The following PALM2AKAP2 variants were observed in gnomAD, a reference collection of about 807,000 sequenced individuals.
PALM2AKAP2 encodes PALM2 and AKAP2 fusion, also known as PALM2-AKAP2 fusion protein.
In PALM2AKAP2, 37 loss-of-function variants were observed where a neutral mutation model predicts 71.5. The ratio of observed to expected loss-of-function variants is 0.52; its 90% confidence interval spans 0.40 to 0.68. The LOEUF (loss-of-function observed/expected upper bound fraction) is 0.68. Ranked by LOEUF, PALM2AKAP2 falls within the 30% of genes least tolerant of loss-of-function variation. The pLI, the probability that PALM2AKAP2 is intolerant of heterozygous loss-of-function variation, is 0.00. For synonymous variants in PALM2AKAP2, 468 were observed against 478.8 expected (o/e 0.98, Z 0.29); for missense variants, 1,224 against 1,191.8 (o/e 1.03, Z -0.40).
intron 1 of PALM2AKAP2, among the ~76,000 whole-genome samples, chr9:109,753,012 G>A (rs921186780): frequency 1.3e-5 from 2 of 152,128 alleles, no homozygotes; most frequent in African/African-American, 4.8e-5. Context: ...GGCTTTAGAT[G>A]AAGTTCACTC....
At chr9:110,027,998 G>A (rs1474787649) in intron 7 of PALM2AKAP2, among the ~76,000 whole-genome samples, 1 of 152,152 alleles carries the variant, frequency 6.6e-6, no homozygotes, top group Non-Finnish European at 1.5e-5. Context: ...TTGGTTCCTT[G>A]CCAAAGGAAA....
intron 1 of PALM2AKAP2, among the ~76,000 whole-genome samples, chr9:109,707,532 A>G (rs1317347556): frequency 6.6e-6 from 1 of 152,132 alleles, no homozygotes; most frequent in Non-Finnish European, 1.5e-5. Flanking sequence ...CAGGTAGTGC[A>G]AGGCATGGCC....
intron 1 of PALM2AKAP2, among the ~76,000 whole-genome samples, chr9:109,695,673 G>T (rs1004697396): frequency 6.6e-6 from 1 of 152,066 alleles, no homozygotes; most frequent in Non-Finnish European, 1.5e-5. Flanking sequence ...TTATATGGAC[G>T]CAATGGAATG....
intron 7 of PALM2AKAP2, among the ~76,000 whole-genome samples, chr9:110,023,272 T>C (rs1406135063): frequency 8.6e-5 from 13 of 150,434 alleles, no homozygotes; most frequent in South Asian, 6.4e-4. Context: ...ATCCCCATTC[T>C]AACTGGTGTG....
At chr9:110,055,580 G>A (rs1449690593) in intron 1 of PALM2AKAP2, among the ~76,000 whole-genome samples, 3 of 152,158 alleles carry the variant, frequency 2.0e-5, no homozygotes, top group Non-Finnish European at 4.4e-5. Flanking sequence ...CCTCCCAGAG[G>A]ACCCACCTCC....
At chr9:109,702,011 C>G (rs907948642) in intron 1 of PALM2AKAP2, among the ~76,000 whole-genome samples, 2 of 152,208 alleles carry the variant, frequency 1.3e-5, no homozygotes, top group Non-Finnish European at 2.9e-5. Flanking sequence ...CACTGGCCAT[C>G]AGAGAAATGC....
chr9:109,788,617 A>G (rs1284592517), intron 1 of PALM2AKAP2, among the ~76,000 whole-genome samples: 1 of 152,154 alleles, frequency 6.6e-6, no homozygotes, highest in Non-Finnish European at 1.5e-5. Context: ...AGTGTAGGAG[A>G]TCAATAGTAA....
chr9:110,164,594 G>A (rs577177795), intron 3 of PALM2AKAP2, among the ~76,000 whole-genome samples: 9 of 148,104 alleles, frequency 6.1e-5, no homozygotes, highest in East Asian at 2.0e-4. Flanking sequence ...ACAGTGGTGC[G>A]ATCTCAGCTC....
At chr9:110,015,541 G>A (rs564830029) in intron 6 of PALM2AKAP2, among the ~76,000 whole-genome samples, 2 of 152,268 alleles carry the variant, frequency 1.3e-5, no homozygotes, top group Admixed American at 6.5e-5. Flanking sequence ...AGGAGGCGGA[G>A]GTTGCAGTGA....
chr9:109,838,248 G>T (rs540618705), intron 1 of PALM2AKAP2, among the ~76,000 whole-genome samples: 4 of 152,316 alleles, frequency 2.6e-5, no homozygotes, highest in Admixed American at 2.6e-4. Flanking sequence ...CAACTACATG[G>T]AAACTGAACA....
At chr9:109,715,186 A>T (rs1423304034) in intron 1 of PALM2AKAP2, among the ~76,000 whole-genome samples, 2 of 152,200 alleles carry the variant, frequency 1.3e-5, no homozygotes, top group Non-Finnish European at 2.9e-5. Flanking sequence ...AGGATATTTT[A>T]TTTATACAAA....
At chr9:109,942,599 A>G in intron 6 of PALM2AKAP2, 2 of 1,456,704 alleles carry the variant, frequency 1.4e-6, no homozygotes, top group Non-Finnish European at 1.8e-6. Context: ...AGGGCACAAA[A>G]CCTTTTTTTT....
chr9:109,924,092 T>A (rs1380231418), intron 4 of PALM2AKAP2, among the ~76,000 whole-genome samples: 3 of 152,200 alleles, frequency 2.0e-5, no homozygotes, highest in African/African-American at 4.8e-5. Context: ...GATTACCCCA[T>A]CTGCCTGCTC....
chr9:109,797,763 T>C (rs939973153), intron 1 of PALM2AKAP2, among the ~76,000 whole-genome samples: 1 of 152,198 alleles, frequency 6.6e-6, no homozygotes, highest in African/African-American at 2.4e-5. Flanking sequence ...CCATCTCTAG[T>C]TTAGTTCCCT....
At chr9:110,063,439 ATTTTTT>A (rs35944774) in intron 1 of PALM2AKAP2, among the ~76,000 whole-genome samples, 1 of 131,230 alleles carries the variant, frequency 7.6e-6, no homozygotes. Flanking sequence ...CCAAATTTCT[ATTTTTT>A]TTTTTTTTTT....
At chr9:109,747,733 G>A (rs1828824463) in intron 1 of PALM2AKAP2, among the ~76,000 whole-genome samples, 1 of 151,902 alleles carries the variant, frequency 6.6e-6, no homozygotes, top group African/African-American at 2.4e-5. Context: ...ACAGTGGCAT[G>A]ATCTCGGCTC....
At chr9:110,133,728 T>C (rs1835785351) in intron 1 of PALM2AKAP2, among the ~76,000 whole-genome samples, 1 of 152,098 alleles carries the variant, frequency 6.6e-6, no homozygotes, top group African/African-American at 2.4e-5. Flanking sequence ...TGCAGAATAT[T>C]AGCAGTGAGT....
At chr9:110,071,761 C>T (rs1404180050) in intron 1 of PALM2AKAP2, among the ~76,000 whole-genome samples, 10 of 152,072 alleles carry the variant, frequency 6.6e-5, no homozygotes, top group Non-Finnish European at 1.3e-4. Flanking sequence ...TATAAAATTC[C>T]CTTAGACTTA....
chr9:110,109,672 C>T (rs974671691), intron 1 of PALM2AKAP2, among the ~76,000 whole-genome samples: 2 of 152,124 alleles, frequency 1.3e-5, no homozygotes, highest in African/African-American at 4.8e-5. Context: ...CAAGGGGGAG[C>T]AGGTTTAACC....
Sources: allele counts gnomAD v4.1 joint callset (sites outside exome capture counted in the v4.1 genomes callset), GRCh38; gene constraint gnomAD v4.1.1; transcripts MANE v1.5; gene names NCBI Gene and HGNC (gene_info 2026-07-23, HGNC 2026-07-21).